Variants in COPZ2 observed in about 807,000 individuals in gnomAD.
The protein encoded by COPZ2 is coat protein complex I subunit zeta 2.
COPZ2 carries 30 observed loss-of-function variants against 33.2 expected under a neutral mutation model. The observed-to-expected ratio is 0.90, with a 90% CI of 0.68 to 1.23. The LOEUF is 1.23. Among genes scored for constraint, COPZ2 ranks in the 50% most tolerant of loss-of-function variants. The pLI is 0.00. For missense variants in COPZ2, 263 were observed against 262.4 expected (o/e 1.00, Z -0.02); for synonymous variants, 89 against 102.6 (o/e 0.87, Z 0.80).
At chr17:48,033,981 C>T in intron 2 of COPZ2, 37 bp from the exon 3 acceptor site, 1 of 1,439,334 alleles carries the variant, frequency 6.9e-7, no homozygotes. Context: ...CATAGCTTTC[C>T]ACACAGCCTG....
chr17:48,046,438 T>C, the COPZ2 span: 14 of 152,160 alleles, frequency 9.2e-5, no homozygotes, highest in African/African-American at 2.4e-4. Flanking sequence ...GTTGGGACTA[T>C]AGATGTGTGG....
chr17:48,042,608 C>T (rs1388662306), upstream of COPZ2, among the ~76,000 whole-genome samples: 1 of 152,094 alleles, frequency 6.6e-6, no homozygotes, highest in Non-Finnish European at 1.5e-5. Flanking sequence ...ATTACAGGTG[C>T]GTGCCACCAT....
chr17:48,028,589 G>T lies in COPZ2; in HGVS notation c.547-79C>A. 7.3e-7 allele frequency: 1 copy of T among 1,377,632 alleles called. No homozygotes were observed. The highest frequency in any genetic ancestry group is 1.0e-6 in the Non-Finnish European group (1 of 989,960). 85.3% of individuals were successfully genotyped at this position (1,377,632 alleles called of 1,614,324 possible). ...TCAGGGAGGTGAAGGAAAGGGGCTT[G>T]GGGGTATGGGTGAGGTGGTGCAGTG... On this transcript the variant is annotated intron_variant, in intron 7 of 8. Transcript: ENST00000621465. The surrounding 1 kb of genome is among the most constrained non-coding windows in gnomAD (Gnocchi z 4.5).
upstream of COPZ2, among the ~76,000 whole-genome samples, chr17:48,038,992 T>G (rs1679423014): frequency 6.6e-6 from 1 of 152,180 alleles, no homozygotes; most frequent in South Asian, 2.1e-4. Context: ...ATTGCTTGTT[T>G]GAGACACGGT....
chr17:48,044,781 T>C, the COPZ2 span, among the ~76,000 whole-genome samples: 1 of 152,294 alleles, frequency 6.6e-6, no homozygotes, highest in Admixed American at 6.5e-5. Flanking sequence ...AGAAAACTAA[T>C]TGATTTCTTT....
At chr17:48,042,471 C>CT (rs937395860), upstream of COPZ2, among the ~76,000 whole-genome samples, 4 of 148,570 alleles carry the variant, frequency 2.7e-5, no homozygotes, top group East Asian at 2.0e-4. Flanking sequence ...TACATCTTTT[C>CT]TTTTTTTTGA....
At chr17:48,039,904 G>A (rs965064012), upstream of COPZ2, among the ~76,000 whole-genome samples, 23 of 152,130 alleles carry the variant, frequency 1.5e-4, no homozygotes, top group South Asian at 4.6e-3. Flanking sequence ...GGCGGATCAC[G>A]AGGTCAGGAG....
rs1357219223 is a variant in COPZ2, at chr17:48,037,523, T to G, written c.111+144A>C. 7.5e-6 allele frequency: 6 copies of G among 795,734 alleles called. No homozygotes were observed. The East Asian group carries it at 6.0e-4, about 79-fold the overall frequency. 49.3% of individuals were successfully genotyped at this position (795,734 alleles called of 1,614,324 possible). A position where few individuals can be genotyped will look rare whatever the true frequency, so the allele number is the denominator to read the frequency against. On this transcript the variant is annotated intron_variant, in intron 1 of 8. Coordinates refer to ENST00000621465, the MANE Select transcript of COPZ2 (RefSeq NM_016429.4). This position sits in a 1 kb window ranked among gnomAD's most constrained non-coding sequence, Gnocchi z 5.6. Reference sequence around the variant, plus strand: ...GGTCGGCGCTGGGACGAACTTTTCCTCCCGGGTCCTGGGGCCAGTCAGGGG... The same window carrying G: ...GGTCGGCGCTGGGACGAACTTTTCCGCCCGGGTCCTGGGGCCAGTCAGGGG...
chr17:48,030,148 A>G (rs2036872344), intron 6 of COPZ2, among the ~76,000 whole-genome samples: 1 of 150,548 alleles, frequency 6.6e-6, no homozygotes, highest in Non-Finnish European at 1.5e-5. Flanking sequence ...TTAGCCGGTA[A>G]TGGTGGCGCA....
chr17:48,036,408 T>C (rs984267107), intron 2 of COPZ2, among the ~76,000 whole-genome samples: 1 of 152,238 alleles, frequency 6.6e-6, no homozygotes, highest in Non-Finnish European at 1.5e-5. Context: ...AGTTGGATTA[T>C]ACAGTTTCTA....
In COPZ2 at chr17:48,036,850, C is replaced by T; in HGVS notation, c.186+1G>A. The T allele has an allele frequency of 1.2e-6, 2 of 1,613,402 alleles. No homozygotes were observed. ...CCCTCATGGGTGGGGTCAGAGGTTA[C>T]CTTGGCCAGCAGCCGGCGCCCGTCA... On this transcript the variant is annotated splice_donor_variant, in intron 2 of 8. Transcript: ENST00000621465. LOFTEE classifies it high-confidence loss of function.
At chr17:48,029,289 C>T (rs1171847922) in intron 6 of COPZ2, 113 bp from the exon 7 acceptor site, 3 of 923,252 alleles carry the variant, frequency 3.2e-6, no homozygotes, top group Non-Finnish European at 5.2e-6. Context: ...ACATCTCCAC[C>T]TTCCAGGTCC....
intron 4 of COPZ2, 92 bp downstream of exon 4, chr17:48,033,119 A>T: frequency 1.1e-6 from 1 of 873,516 alleles, no homozygotes; most frequent in Non-Finnish European, 1.9e-6. Flanking sequence ...TCCAATGGTG[A>T]GCCTCCAGGT....
At chr17:48,029,966 TA>T (rs1379072033) in intron 6 of COPZ2, among the ~76,000 whole-genome samples, 140 of 143,718 alleles carry the variant, frequency 9.7e-4, no homozygotes, top group Middle Eastern at 3.8e-3. Context: ...AGACTCTGTC[TA>T]AAAAAAAAAA....
chr17:48,037,513 G>T lies in COPZ2; in HGVS notation c.111+154C>A. The T allele has an allele frequency of 1.5e-6, 1 of 671,648 alleles. No homozygotes were observed. Among genetic ancestry groups the T allele is most frequent in the Non-Finnish European group, 1.8e-6 (1 of 542,792 alleles). 41.6% of individuals were successfully genotyped at this position (671,648 alleles called of 1,614,324 possible). A position where few individuals can be genotyped will look rare whatever the true frequency, so the allele number is the denominator to read the frequency against. On this transcript the variant is annotated intron_variant, in intron 1 of 8. Coordinates refer to ENST00000621465, the MANE Select transcript of COPZ2 (RefSeq NM_016429.4). This position sits in a 1 kb window ranked among gnomAD's most constrained non-coding sequence, Gnocchi z 5.6. ...CCTCCTCTCCGGTCGGCGCTGGGAC[G>T]AACTTTTCCTCCCGGGTCCTGGGGC...
At chr17:48,030,289 AACACACACACACACACAC>A (rs71935471) in intron 6 of COPZ2, among the ~76,000 whole-genome samples, 2 of 128,308 alleles carry the variant, frequency 1.6e-5, no homozygotes, top group Non-Finnish European at 3.5e-5. Context: ...TCCATCTCAA[AACACACACACACACACAC>A]ACACACACAC....
chr17:48,043,116 G>C, the COPZ2 span, among the ~76,000 whole-genome samples: 1 of 152,208 alleles, frequency 6.6e-6, no homozygotes, highest in African/African-American at 2.4e-5. Context: ...GCCAAGTTGG[G>C]TTCAAAAAGA....
chr17:48,028,332 A>T lies in COPZ2; in HGVS notation c.585+140T>A. The stretch of plus-strand genomic sequence containing the variant: ...GAGTCTTTCCAAGATATGACCTGTC[A>T]CTGCCTCATCCCTTCCCTTCTCACC... On this transcript the variant is annotated intron_variant, in intron 8 of 8. Transcript: ENST00000621465. This position sits in a 1 kb window ranked among gnomAD's most constrained non-coding sequence, Gnocchi z 4.5. The T allele has an allele frequency of 1.2e-6, 1 of 822,332 alleles. No homozygotes were observed. The highest frequency in any genetic ancestry group is 1.9e-6 in the Non-Finnish European group (1 of 538,342). The allele number at this position is 822,332 out of a possible 1,614,324, so 50.9% of individuals were successfully genotyped here. A position where few individuals can be genotyped will look rare whatever the true frequency, so the allele number is the denominator to read the frequency against.
At chr17:48,042,304 TTTTTA>T (rs1405598036), upstream of COPZ2, among the ~76,000 whole-genome samples, 3 of 152,016 alleles carry the variant, frequency 2.0e-5, no homozygotes, top group Non-Finnish European at 4.4e-5. Flanking sequence ...CAGCTAATTT[TTTTTA>T]TTTTTAGTAG....
Sources: gnomAD v4.1 joint callset for allele counts (sites outside exome capture counted in the v4.1 genomes callset) on GRCh38, gnomAD v4.1.1 for gene constraint, Gnocchi (gnomAD v3.1) non-coding constraint, MANE v1.5 for transcripts, NCBI Gene and HGNC (gene_info 2026-07-23, HGNC 2026-07-21) for gene names.